TMEM131: variants seen among roughly 807,000 people sequenced by gnomAD.
TMEM131 encodes the protein transmembrane protein 131.
In TMEM131, 66 loss-of-function variants were observed where a neutral mutation model predicts 211.6. The ratio of observed to expected loss-of-function variants is 0.31; its 90% CI spans 0.26 to 0.38. The LOEUF is 0.38. Among genes scored for constraint, TMEM131 ranks in the 10% least tolerant of loss-of-function variants. TMEM131 has a pLI of 1.00. For synonymous variants in TMEM131, 844 were observed against 841.3 expected, an observed-to-expected ratio of 1.00 and a Z score of -0.06; for missense variants, 2,036 against 2,299.3, an observed-to-expected ratio of 0.89 and a Z score of 2.34.
intron 29 of TMEM131, among the ~76,000 whole-genome samples, chr2:97,794,006 AAAAAAAAAAC>A (rs1308228903): frequency 3.3e-5 from 5 of 149,952 alleles, no homozygotes; most frequent in Non-Finnish European, 4.4e-5. Flanking sequence ...AAAAAAAAAA[AAAAAAAAAAC>A]AAAAAACCCA....
Position 97,995,665 on chromosome 2 carries a change from C to G in TMEM131, c.-3G>C. 5 of 1,206,392 alleles carry G rather than the reference C, an allele frequency of 4.1e-6. No individual in the cohort carries two copies. Among genetic ancestry groups the G allele is most frequent in the Non-Finnish European group, 5.1e-6 (5 of 971,238 alleles). 74.7% of individuals were successfully genotyped at this position (1,206,392 alleles called of 1,614,324 possible). A position where few individuals can be genotyped will look rare whatever the true frequency, so the allele number is the denominator to read the frequency against. On this transcript the variant is annotated 5_prime_UTR_variant, in exon 1 of 41. Coordinates refer to ENST00000186436, the MANE Select transcript of TMEM131 (RefSeq NM_015348.2). Reference sequence around the variant, plus strand: ...CCTCCTCCCGCCCGCTTCCCCATCCCTGCCGGCCGGGGGCCGCCGCGCTCG... The same window carrying G: ...CCTCCTCCCGCCCGCTTCCCCATCCGTGCCGGCCGGGGGCCGCCGCGCTCG...
rs570301823 is a variant in TMEM131, at chr2:97,835,816, A to G, written c.805-891T>C. 5.3e-4 allele frequency among the ~76,000 whole-genome samples: 81 copies of G among 152,324 alleles called. 1 individual carries two copies. The highest frequency in any genetic ancestry group is 1.9e-3 in the African/African-American group (77 of 41,580). On this transcript the variant is annotated intron_variant, in intron 8 of 40. Coordinates refer to ENST00000186436, the MANE Select transcript of TMEM131 (RefSeq NM_015348.2). ...ACCGAAATAGGCTGGAGGTGAGGTC[A>G]CAGCCCATTGGCTTTTTTCTCAGTC...
intron 33 of TMEM131, among the ~76,000 whole-genome samples, chr2:97,771,489 A>G (rs552577180): frequency 7.2e-5 from 11 of 152,192 alleles, no homozygotes; most frequent in Non-Finnish European, 1.2e-4. Flanking sequence ...CAGACAAGCC[A>G]TGTCTTCCTT....
At chr2:97,860,567 T>C (rs1247791543) in intron 4 of TMEM131, among the ~76,000 whole-genome samples, 2 of 152,258 alleles carry the variant, frequency 1.3e-5, no homozygotes, top group African/African-American at 2.4e-5. Flanking sequence ...CACCATGCTT[T>C]TGTTCTTCAA....
chr2:97,850,381 T>C (rs1442465627), intron 5 of TMEM131, among the ~76,000 whole-genome samples: 1 of 152,092 alleles, frequency 6.6e-6, no homozygotes, highest in Admixed American at 6.5e-5. Context: ...ATTTGCGCTA[T>C]ATATCAGTAC....
chr2:97,818,204 T>C lies in TMEM131; in HGVS notation c.1183+409A>G, dbSNP rs933043482. On this transcript the variant is annotated intron_variant, in intron 12 of 40. Coordinates refer to ENST00000186436, the MANE Select transcript of TMEM131 (RefSeq NM_015348.2). ...TGCTTTGCCTATAAAAGCCAATATATGAAAATGTTACAAAGAATACTTTTT... is the reference window on the plus strand; with the variant it reads ...TGCTTTGCCTATAAAAGCCAATATACGAAAATGTTACAAAGAATACTTTTT... Among the ~76,000 whole-genome samples, 6 of 152,302 alleles carry C rather than the reference T, an allele frequency of 3.9e-5. No individual in the cohort carries two copies. In the East Asian group the frequency reaches 5.8e-4, roughly 15 times the overall value.
intron 25 of TMEM131, among the ~76,000 whole-genome samples, chr2:97,801,221 T>C (rs529578058): frequency 2.2e-4 from 34 of 152,348 alleles, no homozygotes; most frequent in African/African-American, 8.2e-4. Context: ...AATTTGGCCT[T>C]GGGCAGAAAC....
At chr2:97,857,977 C>A (rs1030920724) in intron 5 of TMEM131, among the ~76,000 whole-genome samples, 2 of 152,096 alleles carry the variant, frequency 1.3e-5, no homozygotes, top group African/African-American at 4.8e-5. Flanking sequence ...CCACAAAGAT[C>A]CCCCCAAAAT....
chr2:97,795,515 C>A (rs571246686), intron 28 of TMEM131, among the ~76,000 whole-genome samples: 1 of 152,290 alleles, frequency 6.6e-6, no homozygotes, highest in South Asian at 2.1e-4. Context: ...TCATCTCCTG[C>A]AGTATGGATT....
At chr2:97,854,507 C>A (rs1673760816) in intron 5 of TMEM131, among the ~76,000 whole-genome samples, 1 of 152,110 alleles carries the variant, frequency 6.6e-6, no homozygotes, top group African/African-American at 2.4e-5. Context: ...ATCTTCTTAC[C>A]CTGGAGTATG....
chr2:97,790,654 A>T (rs1680460825), intron 31 of TMEM131, among the ~76,000 whole-genome samples: 1 of 152,242 alleles, frequency 6.6e-6, no homozygotes, highest in South Asian at 2.1e-4. Flanking sequence ...TTGTGATAAG[A>T]AAGGATAATA....
At chr2:97,797,264 C>T (rs1041428659) in intron 26 of TMEM131, 101 bp downstream of exon 26, 2 of 1,179,820 alleles carry the variant, frequency 1.7e-6, no homozygotes, top group African/African-American at 3.1e-5. Context: ...AAAGTGAATT[C>T]AAACTATTTC....
chr2:97,919,301 A>C (rs1676639380), intron 2 of TMEM131, among the ~76,000 whole-genome samples: 1 of 152,202 alleles, frequency 6.6e-6, no homozygotes, highest in South Asian at 2.1e-4. Flanking sequence ...CCTTCAGCCT[A>C]AAGACTGTAT....
intron 1 of TMEM131, among the ~76,000 whole-genome samples, chr2:97,936,325 G>T (rs184459505): frequency 1.3e-5 from 2 of 152,200 alleles, no homozygotes; most frequent in East Asian, 3.8e-4. Flanking sequence ...TCCTGTGTAC[G>T]CATCGGGCTC....
chr2:97,990,885 A>G (rs977006099), intron 1 of TMEM131, among the ~76,000 whole-genome samples: 1 of 152,222 alleles, frequency 6.6e-6, no homozygotes, highest in Non-Finnish European at 1.5e-5. Context: ...GCATGAAACT[A>G]TAGTACACTG....
intron 17 of TMEM131, among the ~76,000 whole-genome samples, chr2:97,812,115 G>A (rs1035723335): frequency 1.3e-5 from 2 of 152,120 alleles, no homozygotes; most frequent in Admixed American, 1.3e-4. Context: ...ATGAACACAA[G>A]GTTAGTTTAG....
chr2:97,944,234 C>A (rs777562753), intron 1 of TMEM131, among the ~76,000 whole-genome samples: 1 of 152,092 alleles, frequency 6.6e-6, no homozygotes, highest in Non-Finnish European at 1.5e-5. Context: ...GAGAAAAGAA[C>A]AATCTTCTCA....
At chr2:97,936,258 A>G (rs2104472112) in intron 1 of TMEM131, among the ~76,000 whole-genome samples, 1 of 152,348 alleles carries the variant, frequency 6.6e-6, no homozygotes, top group East Asian at 1.9e-4. Context: ...AAAGTTGGGA[A>G]TAAGATGTCC....
intron 1 of TMEM131, among the ~76,000 whole-genome samples, chr2:97,928,416 T>C (rs1172738149): frequency 6.7e-6 from 1 of 150,210 alleles, no homozygotes; most frequent in Non-Finnish European, 1.5e-5. Context: ...ATACAGGACA[T>C]GATGCATTTG....
Sources: allele counts gnomAD v4.1 joint callset (sites outside exome capture counted in the v4.1 genomes callset), GRCh38; gene constraint gnomAD v4.1.1; transcripts MANE v1.5; gene names NCBI Gene and HGNC (gene_info 2026-07-23, HGNC 2026-07-21).